ZMIZ1: variants seen among roughly 807,000 people sequenced by gnomAD.
ZMIZ1 encodes zinc finger MIZ domain-containing protein 1.
ZMIZ1 carries 17 observed loss-of-function variants against 113.9 expected under a neutral mutation model. The observed-to-expected ratio is 0.15, with a 90% CI of 0.10 to 0.22. The LOEUF (loss-of-function observed/expected upper bound fraction) is 0.22. Among genes scored for constraint, ZMIZ1 ranks in the 10% least tolerant of loss-of-function variants. ZMIZ1 has a pLI of 1.00. For missense variants in ZMIZ1, 1,059 were observed against 1,477.8 expected, an observed-to-expected ratio of 0.72 and a Z score of 4.65; for synonymous variants, 607 against 603.1, an observed-to-expected ratio of 1.01 and a Z score of -0.09.
intron 2 of ZMIZ1, among the ~76,000 whole-genome samples, chr10:79,121,270 A>T (rs1455289905): frequency 6.6e-6 from 1 of 152,192 alleles, no homozygotes; most frequent in East Asian, 1.9e-4. Context: ...TCAGCCAGGA[A>T]GTAGCACAGC....
chr10:79,150,725 G>A (rs1056625965), intron 3 of ZMIZ1, among the ~76,000 whole-genome samples: 6 of 152,180 alleles, frequency 3.9e-5, no homozygotes, highest in Admixed American at 6.5e-5. Context: ...GGCTTGGGGG[G>A]TGATAACACA....
chr10:79,177,713 G>C (rs1229806155), intron 4 of ZMIZ1, among the ~76,000 whole-genome samples: 1 of 152,358 alleles, frequency 6.6e-6, no homozygotes, highest in East Asian at 1.9e-4. Context: ...TGTAAATGGA[G>C]AATCTCACAC....
At position 79,289,763 on chromosome 10, in the gene ZMIZ1, C is replaced by T. The variant is rs371780705; in HGVS notation, c.426-12C>T. 3 of 1,611,000 alleles carry T rather than the reference C, an allele frequency of 1.9e-6. No homozygotes were observed. The highest frequency in any genetic ancestry group is 1.3e-5 in the African/African-American group (1 of 74,874). ...CCAGGCCCTGAAGATCTCCCTCTGT[C>T]TCCCTCTGCAGTGATGGGTCGTTCC... On this transcript the variant is annotated splice_polypyrimidine_tract_variant and intron_variant, in intron 8 of 24. Transcript: ENST00000334512.
intron 7 of ZMIZ1, among the ~76,000 whole-genome samples, chr10:79,269,348 G>A (rs1177323370): frequency 6.6e-6 from 1 of 152,030 alleles, no homozygotes; most frequent in Admixed American, 6.6e-5. Context: ...CCTGCTTCAA[G>A]ATGCTGCTGC....
chr10:79,204,753 T>A (rs1848241075), intron 5 of ZMIZ1, among the ~76,000 whole-genome samples: 1 of 151,926 alleles, frequency 6.6e-6, no homozygotes, highest in African/African-American at 2.4e-5. Context: ...TGGATGGACA[T>A]ATGGGCAGAT....
chr10:79,301,092 T>C, intron 17 of ZMIZ1, 150 bp downstream of exon 17: 1 of 1,213,236 alleles, frequency 8.2e-7, no homozygotes, highest in African/African-American at 1.5e-5. Context: ...CAGCGTCCCC[T>C]TACCTGTGCC....
chr10:79,204,230 C>T (rs1221779475), intron 5 of ZMIZ1, among the ~76,000 whole-genome samples: 3 of 152,230 alleles, frequency 2.0e-5, no homozygotes, highest in African/African-American at 4.8e-5. Context: ...CCTGCCCTCA[C>T]CTTGGTTGTA....
Position 79,300,837 on chromosome 10 carries a change from C to T in ZMIZ1, c.1914C>T (p.Thr638=), listed in dbSNP as rs751597984. 2 of 1,613,842 alleles carry T rather than the reference C, an allele frequency of 1.2e-6. No homozygotes were observed. Among genetic ancestry groups the T allele is most frequent in the Non-Finnish European group, 1.7e-6 (2 of 1,180,002 alleles). ...TCAGCGTGAACGCCACGCCCCTCAC[C>T]ATTGAGCGCGGCGACAACAAGACCT... The part of the protein sequence containing the change: ...VQVSVNATPL[T]IERGDNKTSH... Residue 638 remains threonine (T), a synonymous_variant, in exon 17 of 25, where the codon ACC becomes ACT. Transcript: ENST00000334512.
At chr10:79,258,699 G>T (rs1851071112) in intron 7 of ZMIZ1, among the ~76,000 whole-genome samples, 1 of 152,220 alleles carries the variant, frequency 6.6e-6, no homozygotes, top group Non-Finnish European at 1.5e-5. Context: ...AACATTCTAG[G>T]CTCTCCAAGC....
intron 8 of ZMIZ1, chr10:79,285,523 T>C (rs1250568): frequency 0.43 from 197,912 of 455,886 alleles, 44,188 homozygotes; most frequent in African/African-American, 0.52. Context: ...TCTCTCACTT[T>C]CTGGGCCCCA....
chr10:79,268,946 G>A (rs1851768001), intron 7 of ZMIZ1, among the ~76,000 whole-genome samples: 1 of 152,198 alleles, frequency 6.6e-6, no homozygotes, highest in Admixed American at 6.5e-5. Context: ...AGGAGCAAAG[G>A]GAACAGACTG....
rs567791132 is a variant in ZMIZ1, at chr10:79,094,638, T to C, written c.-336-24277T>C. On this transcript the variant is annotated intron_variant, in intron 1 of 24. Transcript: ENST00000334512. The stretch of plus-strand genomic sequence containing the variant: ...AGACCAAGGCCTCGCTGGGCATCAC[T>C]GTCTTCTTCAGAAAGCAATGGGGCT... Among the ~76,000 whole-genome samples the C allele has an allele frequency of 1.1e-4, 17 of 152,340 alleles. No individual in the cohort carries two copies. In the East Asian group the frequency reaches 3.1e-3, roughly 28 times the overall value.
chr10:79,104,524 A>G (rs1367047560), intron 1 of ZMIZ1, among the ~76,000 whole-genome samples: 1 of 152,210 alleles, frequency 6.6e-6, no homozygotes, highest in Non-Finnish European at 1.5e-5. Flanking sequence ...GCAGGGGTGA[A>G]TACCCACCAA....
chr10:79,075,311 A>G (rs1170086177), intron 1 of ZMIZ1, among the ~76,000 whole-genome samples: 1 of 152,192 alleles, frequency 6.6e-6, no homozygotes, highest in Non-Finnish European at 1.5e-5. Context: ...AGGGACAGAG[A>G]CTGGCTCAGG....
chr10:79,162,181 T>G (rs1359652450), intron 4 of ZMIZ1, 48 bp downstream of exon 4: 3 of 398,936 alleles, frequency 7.5e-6, no homozygotes, highest in Non-Finnish European at 1.3e-5. Context: ...CGGACGCAGG[T>G]GAGTCCTCAT....
intron 1 of ZMIZ1, among the ~76,000 whole-genome samples, chr10:79,091,571 C>T (rs1226360609): frequency 1.3e-5 from 2 of 152,050 alleles, no homozygotes; most frequent in Non-Finnish European, 2.9e-5. Flanking sequence ...CTAGAGTGGT[C>T]GGTGGGGAGG....
chr10:79,184,623 C>T (rs1455566596), intron 4 of ZMIZ1, among the ~76,000 whole-genome samples: 1 of 152,214 alleles, frequency 6.6e-6, no homozygotes, highest in African/African-American at 2.4e-5. Context: ...CACACCTGAT[C>T]CATGGACTGT....
intron 7 of ZMIZ1, among the ~76,000 whole-genome samples, chr10:79,269,199 G>A (rs77747757): frequency 0.023 from 3,568 of 152,252 alleles, 77 homozygotes; most frequent in Middle Eastern, 0.055. Context: ...TCTCACTGCT[G>A]CTGCTACTTC....
At chr10:79,132,253 G>A (rs573991038) in intron 2 of ZMIZ1, among the ~76,000 whole-genome samples, 1 of 152,244 alleles carries the variant, frequency 6.6e-6, no homozygotes, top group South Asian at 2.1e-4. Context: ...GAGAGGGAAG[G>A]GCTGCTTGTC....
Sources: allele counts gnomAD v4.1 joint callset (sites outside exome capture counted in the v4.1 genomes callset), GRCh38; gene constraint gnomAD v4.1.1; transcripts MANE v1.5; gene names NCBI Gene and HGNC (gene_info 2026-07-23, HGNC 2026-07-21).